RASL12: variants seen among roughly 807,000 people sequenced by gnomAD.
RASL12 encodes the protein RAS like family 12.
In RASL12, 16 loss-of-function variants were observed where a neutral mutation model predicts 22.9. That is an observed-to-expected ratio of 0.70 (90% CI 0.47 to 1.06). RASL12 has a LOEUF of 1.06. Among genes scored for constraint, RASL12 ranks in the 50% least tolerant of loss-of-function variants. The pLI, the probability that RASL12 is intolerant of heterozygous loss-of-function variation, is 0.00. For synonymous variants in RASL12, 159 were observed against 152.2 expected, an observed-to-expected ratio of 1.04 and a Z score of -0.33; for missense variants, 306 against 353.1, an observed-to-expected ratio of 0.87 and a Z score of 1.07.
chr15:65,054,588 G>A lies in RASL12; in HGVS notation c.*311C>T, dbSNP rs142712697. ...TGTAGCTGGAGCAGGAAGGGCTGAT[G>A]GCAGCAGGATAGACACTGCAATTTC... On this transcript the variant is annotated 3_prime_UTR_variant, in exon 5 of 5. Transcript: ENST00000220062. 4.3e-4 allele frequency: 498 copies of A among 1,160,462 alleles called. 9 individuals are homozygous for A. The East Asian group carries it at 0.018, about 41-fold the overall frequency. 71.9% of individuals were successfully genotyped at this position (1,160,462 alleles called of 1,614,324 possible).
downstream of RASL12, among the ~76,000 whole-genome samples, chr15:65,052,351 C>G (rs2086663889): frequency 1.4e-5 from 2 of 146,786 alleles, no homozygotes; most frequent in African/African-American, 5.0e-5. Flanking sequence ...ACACAGGATT[C>G]AAGAGTCAGG....
intron 2 of RASL12, among the ~76,000 whole-genome samples, chr15:65,063,582 C>T (rs903607517): frequency 3.3e-5 from 5 of 152,220 alleles, no homozygotes; most frequent in Admixed American, 6.5e-5. Context: ...GCCAAGGCAC[C>T]GGGGGTCAAG....
chr15:65,068,033 G>A, upstream of RASL12: 1 of 1,120,982 alleles, frequency 8.9e-7, no homozygotes, highest in Non-Finnish European at 1.1e-6. The surrounding 1 kb of genome is among the most constrained non-coding windows in gnomAD (Gnocchi z 4.2). Flanking sequence ...CCTGGCGGGC[G>A]GGGCCACCCC....
chr15:65,053,040 GCCTAAACAA>G (rs1339167298), downstream of RASL12: 1 of 1,613,818 alleles, frequency 6.2e-7, no homozygotes, highest in Non-Finnish European at 8.5e-7. Context: ...GATCACAACA[GCCTAAACAA>G]CCTAAGAGAA....
In RASL12 at chr15:65,055,040, G is replaced by A. The variant is rs1402068450; in HGVS notation, c.660C>T (p.Thr220=). Residue 220 remains threonine (T), a synonymous_variant, in exon 5 of 5, where the codon ACC becomes ACT. Coordinates refer to ENST00000220062, the MANE Select transcript of RASL12 (RefSeq NM_016563.4). ...GGTTGATGGTGGAGAGCGTGTTGAA[G>A]GTGCAGCTGGCCAGCCCATGCCGCG... is the stretch of plus-strand genomic sequence containing the variant. ...LTARHGLASC[T]FNTLSTINLK... is the part of the protein sequence containing the mutation. 1.9e-6 allele frequency: 3 copies of A among 1,613,700 alleles called. No individual in the cohort carries two copies. Among genetic ancestry groups the A allele is most frequent in the Non-Finnish European group, 2.5e-6 (3 of 1,179,920 alleles).
At chr15:65,050,166 T>G, downstream of RASL12, 2 of 1,322,938 alleles carry the variant, frequency 1.5e-6, no homozygotes, top group Non-Finnish European at 2.1e-6. Context: ...AGAGTTTGGC[T>G]GAAGGTCCTG....
rs1000219308 is a variant in RASL12 at position 65,058,637 on chromosome 15, C to A, written c.235-20G>T. The A allele has an allele frequency of 7.5e-6, 11 of 1,475,936 alleles. No individual in the cohort carries two copies. The highest frequency in any genetic ancestry group is 1.0e-5 in the Non-Finnish European group (11 of 1,099,530). The allele number at this position is 1,475,936 out of a possible 1,614,324, so 91.4% of individuals were successfully genotyped here. ...GGTGTCCTGGGGTGAAGGTGAGAAGCCCCGCCGGGGGGCAGAGGAGGTTGG... is the reference window on the plus strand; with the variant it reads ...GGTGTCCTGGGGTGAAGGTGAGAAGACCCGCCGGGGGGCAGAGGAGGTTGG... On this transcript the variant is annotated intron_variant, in intron 3 of 4. Coordinates refer to ENST00000220062, the MANE Select transcript of RASL12 (RefSeq NM_016563.4).
intron 1 of RASL12, among the ~76,000 whole-genome samples, chr15:65,067,292 G>T (rs1281292245): frequency 5.3e-5 from 8 of 152,164 alleles, no homozygotes; most frequent in Admixed American, 2.0e-4. Flanking sequence ...CCTTGGGTAG[G>T]GGGATCAGTG....
the RASL12 span, among the ~76,000 whole-genome samples, chr15:65,046,230 G>A: frequency 1.3e-5 from 2 of 152,250 alleles, no homozygotes; most frequent in African/African-American, 4.8e-5. Context: ...GAACTCGGGA[G>A]GCGGAGGTTG....
chr15:65,061,180 T>C (rs926688331), intron 2 of RASL12, among the ~76,000 whole-genome samples: 7 of 128,978 alleles, frequency 5.4e-5, no homozygotes, highest in African/African-American at 5.2e-5. Flanking sequence ...AGCTCCATTG[T>C]AGAGAGATGG....
intron 3 of RASL12, among the ~76,000 whole-genome samples, chr15:65,058,960 C>T (rs753985415): frequency 1.4e-4 from 21 of 152,236 alleles, no homozygotes; most frequent in Non-Finnish European, 2.5e-4. Flanking sequence ...GAGTAACTGG[C>T]ATCCAGCCTT....
upstream of RASL12, chr15:65,068,214 A>T (rs2086905028): frequency 1.3e-5 from 13 of 991,768 alleles, no homozygotes; most frequent in South Asian, 5.6e-4. This position sits in a 1 kb window ranked among gnomAD's most constrained non-coding sequence, Gnocchi z 4.2. Context: ...GGGAAGGAGC[A>T]GAGAAGGAGC....
intron 1 of RASL12, among the ~76,000 whole-genome samples, chr15:65,076,133 G>C (rs2086967001): frequency 6.6e-6 from 1 of 152,198 alleles, no homozygotes; most frequent in Non-Finnish European, 1.5e-5. Context: ...GATGTGAGTG[G>C]GGCCAGATAA....
At chr15:65,071,335 G>A (rs1026185125), upstream of RASL12, among the ~76,000 whole-genome samples, 3 of 152,288 alleles carry the variant, frequency 2.0e-5, no homozygotes, top group Admixed American at 6.5e-5. Context: ...GGAGGTTGGT[G>A]TGGGGTCGAG....
the RASL12 span, among the ~76,000 whole-genome samples, chr15:65,046,985 A>G: frequency 6.6e-5 from 10 of 152,228 alleles, no homozygotes; most frequent in Non-Finnish European, 1.2e-4. Context: ...CACTGATCTG[A>G]TTAGTTCCAT....
chr15:65,048,637 G>A (rs1300393386), downstream of RASL12, among the ~76,000 whole-genome samples: 4 of 152,062 alleles, frequency 2.6e-5, no homozygotes, highest in African/African-American at 7.2e-5. Context: ...TTTTAGTTAC[G>A]TTTATCTCCA....
downstream of RASL12, chr15:65,052,870 A>G (rs1052956726): frequency 8.8e-7 from 1 of 1,133,230 alleles, no homozygotes; most frequent in East Asian, 2.4e-5. Context: ...AACTGCATAG[A>G]GAATTTTCCC....
downstream of RASL12, chr15:65,049,765 C>A: frequency 2.5e-6 from 1 of 403,244 alleles, no homozygotes; most frequent in Non-Finnish European, 4.5e-6. Flanking sequence ...CCCCTCCAGG[C>A]TCCACGTGCT....
chr15:65,072,698 T>C (rs1566958332), upstream of RASL12, among the ~76,000 whole-genome samples: 1 of 152,102 alleles, frequency 6.6e-6, no homozygotes, highest in East Asian at 1.9e-4. Context: ...GTGGGAAAAG[T>C]GCCATGGAGT....
Sources: gnomAD v4.1 joint callset for allele counts (sites outside exome capture counted in the v4.1 genomes callset) on GRCh38, gnomAD v4.1.1 for gene constraint, Gnocchi (gnomAD v3.1) non-coding constraint, MANE v1.5 for transcripts, NCBI Gene and HGNC (gene_info 2026-07-23, HGNC 2026-07-21) for gene names.